The following FSTL5 variants were observed in gnomAD, a reference collection of about 807,000 sequenced individuals.
The protein encoded by FSTL5 is follistatin like 5, also known as follistatin-related protein 5.
Under a neutral mutation model 89.1 loss-of-function variants are expected in FSTL5, and 62 were observed. The ratio of observed to expected loss-of-function variants is 0.70; its 90% CI spans 0.57 to 0.86. The LOEUF is 0.86. FSTL5 is among the 40% of genes least tolerant of loss of function. FSTL5 has a pLI of 0.00. For missense variants in FSTL5, 1,057 were observed against 1,001.6 expected (o/e 1.06, Z -0.75); for synonymous variants, 383 against 346.2 (o/e 1.11, Z -1.18).
chr4:161,517,701 G>T (rs1560934139), intron 10 of FSTL5, among the ~76,000 whole-genome samples: 1 of 152,116 alleles, frequency 6.6e-6, no homozygotes, highest in Non-Finnish European at 1.5e-5. Flanking sequence ...GGCTATTCAT[G>T]TGTAAATTGC....
chr4:161,493,237 A>G (rs1287459061), intron 12 of FSTL5, among the ~76,000 whole-genome samples: 2 of 151,766 alleles, frequency 1.3e-5, no homozygotes, highest in Admixed American at 1.3e-4. Context: ...ATTTCAATAT[A>G]TTTAGAAAGA....
intron 7 of FSTL5, among the ~76,000 whole-genome samples, chr4:161,628,031 T>C (rs1735373488): frequency 6.6e-6 from 1 of 152,080 alleles, no homozygotes; most frequent in Non-Finnish European, 1.5e-5. Context: ...AACCAACAAA[T>C]CTAGCTTTTA....
intron 4 of FSTL5, among the ~76,000 whole-genome samples, chr4:161,885,122 T>C (rs1032088152): frequency 6.6e-6 from 1 of 152,194 alleles, no homozygotes; most frequent in African/African-American, 2.4e-5. Flanking sequence ...TAGAGTAGTC[T>C]AAAAACAACA....
At chr4:161,744,097 A>T (rs62330801) in intron 6 of FSTL5, among the ~76,000 whole-genome samples, 130 of 152,186 alleles carry the variant, frequency 8.5e-4, no homozygotes, top group African/African-American at 3.0e-3. Context: ...TTTTTTTTAA[A>T]TCATCCTGTT....
chr4:161,578,336 GA>G (rs1733306028), intron 8 of FSTL5, among the ~76,000 whole-genome samples: 2 of 152,052 alleles, frequency 1.3e-5, no homozygotes, highest in Admixed American at 6.6e-5. Context: ...AACTCTGGTA[GA>G]GAATAACAGC....
At chr4:161,507,604 T>C (rs1242737617) in intron 11 of FSTL5, among the ~76,000 whole-genome samples, 1 of 151,820 alleles carries the variant, frequency 6.6e-6, no homozygotes, top group Non-Finnish European at 1.5e-5. Context: ...GATTTTCCTC[T>C]ATTAGTATTG....
At chr4:161,808,574 G>T (rs964378646) in intron 4 of FSTL5, among the ~76,000 whole-genome samples, 1 of 152,012 alleles carries the variant, frequency 6.6e-6, no homozygotes, top group East Asian at 1.9e-4. Flanking sequence ...GAGAAAACCT[G>T]CGTGACATTG....
At chr4:161,594,561 C>T (rs1275108831) in intron 7 of FSTL5, among the ~76,000 whole-genome samples, 3 of 151,868 alleles carry the variant, frequency 2.0e-5, no homozygotes, top group Non-Finnish European at 4.4e-5. Context: ...TTACAATGCC[C>T]TTCTTTCTAA....
At chr4:162,081,377 T>G (rs1301962169) in intron 2 of FSTL5, among the ~76,000 whole-genome samples, 1 of 151,600 alleles carries the variant, frequency 6.6e-6, no homozygotes. Context: ...TTGGTCAGAA[T>G]GATTTAATTC....
intron 4 of FSTL5, among the ~76,000 whole-genome samples, chr4:161,789,327 T>TA (rs995559527): frequency 1.3e-4 from 19 of 151,476 alleles, no homozygotes; most frequent in Admixed American, 3.3e-4. Flanking sequence ...GTGTTGCCAA[T>TA]AAAAAAAAAT....
chr4:161,705,130 T>C (rs1738527008), intron 6 of FSTL5, among the ~76,000 whole-genome samples: 1 of 152,084 alleles, frequency 6.6e-6, no homozygotes, highest in Admixed American at 6.6e-5. Flanking sequence ...AAATAGTTTA[T>C]ATACTCCTCA....
intron 13 of FSTL5, among the ~76,000 whole-genome samples, chr4:161,461,706 A>G (rs1404849409): frequency 6.6e-6 from 1 of 152,078 alleles, no homozygotes; most frequent in Non-Finnish European, 1.5e-5. Context: ...TTCATGTACT[A>G]ATCAATAATT....
chr4:161,920,922 A>T (rs1170181792), intron 3 of FSTL5, among the ~76,000 whole-genome samples: 1 of 152,056 alleles, frequency 6.6e-6, no homozygotes, highest in African/African-American at 2.4e-5. Flanking sequence ...AAGGTCTGTA[A>T]AGCTAAATAA....
Position 161,686,329 on chromosome 4 carries a change from TATATATATATATATATA to T in FSTL5, c.728-29852_728-29836del, listed in dbSNP as rs1333974553. 8.1e-3 allele frequency among the ~76,000 whole-genome samples: 65 copies of T among 7,984 alleles called. 2 individuals carry two copies. The highest frequency in any genetic ancestry group is 0.026 in the East Asian group (6 of 230). The allele number at this position is 7,984 out of a possible 152,430, so 5.2% of individuals were successfully genotyped here. A position where few individuals can be genotyped will look rare whatever the true frequency, so the allele number is the denominator to read the frequency against. The stretch of plus-strand genomic sequence containing the variant: ...CCATATATATATATATATATATATA[TATATATATATATATATA>T]TTTTTTTTTTTTTTTTTTTTTTTTT... On this transcript the variant is annotated intron_variant, in intron 6 of 15. Transcript: ENST00000306100.
At chr4:161,601,826 C>G (rs2126625497) in intron 7 of FSTL5, among the ~76,000 whole-genome samples, 1 of 152,182 alleles carries the variant, frequency 6.6e-6, no homozygotes, top group Middle Eastern at 3.4e-3. Context: ...CAATGAAGAT[C>G]TCCCAGAAAA....
At chr4:161,433,741 A>G (rs1279812346) in intron 15 of FSTL5, among the ~76,000 whole-genome samples, 1 of 152,158 alleles carries the variant, frequency 6.6e-6, no homozygotes, top group Non-Finnish European at 1.5e-5. Flanking sequence ...ATACAAAATC[A>G]GTAGCATTTG....
In FSTL5 at chr4:161,708,916, G is replaced by C. The variant is rs192516302; in HGVS notation, c.727+50495C>G. On this transcript the variant is annotated intron_variant, in intron 6 of 15. Transcript: ENST00000306100. Reference sequence around the variant, plus strand: ...ATAATATACAAAATATTTGGGAAATGTCAAATAAAATGTCACTAATTTGAT... The same window carrying C: ...ATAATATACAAAATATTTGGGAAATCTCAAATAAAATGTCACTAATTTGAT... Among the ~76,000 whole-genome samples the C allele has an allele frequency of 8.5e-5, 13 of 152,262 alleles. No individual in the cohort carries two copies. The East Asian group carries it at 2.1e-3, about 25-fold the overall frequency.
At chr4:161,471,066 A>T (rs1733918326) in intron 13 of FSTL5, among the ~76,000 whole-genome samples, 1 of 152,160 alleles carries the variant, frequency 6.6e-6, no homozygotes, top group Non-Finnish European at 1.5e-5. Context: ...GAAGGCTTTT[A>T]TTCATCTTTC....
At chr4:161,564,096 T>A (rs1381964160) in intron 8 of FSTL5, among the ~76,000 whole-genome samples, 1 of 151,858 alleles carries the variant, frequency 6.6e-6, no homozygotes, top group Admixed American at 6.6e-5. Context: ...TTCTTCAGAG[T>A]GAATAATATA....
Sources: allele counts gnomAD v4.1 joint callset (sites outside exome capture counted in the v4.1 genomes callset), GRCh38; gene constraint gnomAD v4.1.1; transcripts MANE v1.5; gene names NCBI Gene and HGNC (gene_info 2026-07-23, HGNC 2026-07-21).